Variants in EIF2B3 observed in about 807,000 individuals in gnomAD.
EIF2B3 encodes translation initiation factor eIF2B subunit gamma.
A neutral mutation model predicts 54.1 loss-of-function variants in EIF2B3; 20 were observed. The observed-to-expected ratio is 0.37, with a 90% CI of 0.26 to 0.54. The LOEUF is 0.54. Ranked by LOEUF, EIF2B3 falls within the 20% of genes least tolerant of loss-of-function variation. The pLI is 0.86. For synonymous variants in EIF2B3, 153 were observed against 188.1 expected (o/e 0.81, Z 1.52); for missense variants, 448 against 547.8 (o/e 0.82, Z 1.82).
chr1:44,932,494 G>A (rs1365137782), intron 4 of EIF2B3: 1 of 152,124 alleles, frequency 6.6e-6, no homozygotes, highest in East Asian at 1.9e-4. Context: ...ATTTCACTTA[G>A]GAGGAATAAG....
At chr1:44,898,251 C>G (rs1263885074) in intron 5 of EIF2B3, among the ~76,000 whole-genome samples, 1 of 152,152 alleles carries the variant, frequency 6.6e-6, no homozygotes, top group Admixed American at 6.5e-5. Context: ...TACACTTCCT[C>G]TAGGAATCCT....
At chr1:44,918,631 T>G in intron 5 of EIF2B3, among the ~76,000 whole-genome samples, 1 of 150,944 alleles carries the variant, frequency 6.6e-6, no homozygotes, top group Non-Finnish European at 1.5e-5. Flanking sequence ...CCTCAGGTGA[T>G]CCACCTGCCT....
intron 3 of EIF2B3, among the ~76,000 whole-genome samples, chr1:44,953,695 A>G (rs1411628732): frequency 6.6e-6 from 1 of 152,170 alleles, no homozygotes; most frequent in African/African-American, 2.4e-5. Flanking sequence ...AAGGAGGCTG[A>G]GGTGGGAAGA....
chr1:44,932,696 A>T (rs1643908080), intron 4 of EIF2B3, among the ~76,000 whole-genome samples: 2 of 152,174 alleles, frequency 1.3e-5, no homozygotes, highest in Non-Finnish European at 2.9e-5. Context: ...CAAGAATCAG[A>T]ATGATGTTGG....
intron 8 of EIF2B3, among the ~76,000 whole-genome samples, chr1:44,877,207 A>AAAAAAAAAAAAG (rs1655204597): frequency 6.8e-6 from 1 of 148,034 alleles, no homozygotes; most frequent in African/African-American, 2.5e-5. Context: ...AAAAAAAAAA[A>AAAAAAAAAAAAG]AAAAAAAAAA....
At chr1:44,942,404 TATATATATATATA>T (rs1162467467) in intron 3 of EIF2B3, among the ~76,000 whole-genome samples, 8 of 21,894 alleles carry the variant, frequency 3.7e-4, no homozygotes, top group South Asian at 1.4e-3. Flanking sequence ...TATATATATA[TATATATATATATA>T]TTTTTTTTTT....
chr1:44,851,264 C>T (rs1365309308), intron 11 of EIF2B3, among the ~76,000 whole-genome samples: 1 of 152,042 alleles, frequency 6.6e-6, no homozygotes, highest in Non-Finnish European at 1.5e-5. Flanking sequence ...GGGGTTTCAC[C>T]GTGTTGGCCA....
At chr1:44,982,150 A>ATT (rs1644521319) in intron 1 of EIF2B3, among the ~76,000 whole-genome samples, 1 of 152,114 alleles carries the variant, frequency 6.6e-6, no homozygotes, top group South Asian at 2.1e-4. Context: ...CTGAACCTAG[A>ATT]TTTACAGAAC....
intron 3 of EIF2B3, among the ~76,000 whole-genome samples, chr1:44,974,084 G>A (rs963920899): frequency 3.3e-5 from 5 of 151,828 alleles, no homozygotes; most frequent in African/African-American, 9.7e-5. Flanking sequence ...CCACTTGAGA[G>A]AAAATACAGA....
At chr1:44,913,831 ATT>A (rs879440088) in intron 5 of EIF2B3, among the ~76,000 whole-genome samples, 1 of 139,014 alleles carries the variant, frequency 7.2e-6, no homozygotes, top group Admixed American at 7.4e-5. Context: ...TAAATTGGGA[ATT>A]TTTTTTTTTT....
chr1:44,948,958 C>A (rs533721410), intron 3 of EIF2B3, among the ~76,000 whole-genome samples: 1 of 152,088 alleles, frequency 6.6e-6, no homozygotes, highest in Non-Finnish European at 1.5e-5. Flanking sequence ...ACCTCCGCCC[C>A]CCGAGGTTCA....
At chr1:44,981,256 T>C in intron 1 of EIF2B3, 79 bp from the exon 2 acceptor site, 1 of 1,468,332 alleles carries the variant, frequency 6.8e-7, no homozygotes, top group Non-Finnish European at 9.5e-7. Context: ...TAGCCTATTT[T>C]TATTTAGGTT....
chr1:44,918,069 A>G (rs1388729294), intron 5 of EIF2B3, among the ~76,000 whole-genome samples: 2 of 130,274 alleles, frequency 1.5e-5, no homozygotes, highest in African/African-American at 5.8e-5. Flanking sequence ...CACTGTGCCC[A>G]GCCTTTTTTT....
rs187423803 is a variant in EIF2B3 at position 44,858,540 on chromosome 1, G to T, written c.1203-733C>A. Among the ~76,000 whole-genome samples, 16 of 152,042 alleles carry T rather than the reference G, an allele frequency of 1.1e-4. No homozygotes were observed. In the East Asian group the frequency reaches 3.1e-3, roughly 29 times the overall value. On this transcript the variant is annotated intron_variant, in intron 10 of 11. Transcript: ENST00000360403. ...GCTGGAGTGTAGTGGCACGATCTTG[G>T]CTCACTACAGCCTCCACCTCCTGGG...
intron 3 of EIF2B3, chr1:44,959,161 T>G (rs1281714153): frequency 1.4e-6 from 1 of 721,696 alleles, no homozygotes; most frequent in Non-Finnish European, 2.5e-6. Flanking sequence ...GATTGCACAG[T>G]CTGGTGTTTT....
At chr1:44,920,073 C>T (rs1235383887) in intron 5 of EIF2B3, among the ~76,000 whole-genome samples, 1 of 148,338 alleles carries the variant, frequency 6.7e-6, no homozygotes, top group Admixed American at 6.8e-5. Context: ...CTCCCTCTGT[C>T]GTTCAGGCTG....
intron 3 of EIF2B3, among the ~76,000 whole-genome samples, chr1:44,977,135 T>G (rs560077641): frequency 6.6e-6 from 1 of 152,360 alleles, no homozygotes; most frequent in South Asian, 2.1e-4. Context: ...TTGTCTCCCA[T>G]TTCAAGTAAT....
At chr1:44,958,117 G>A (rs1352128400) in intron 3 of EIF2B3, among the ~76,000 whole-genome samples, 2 of 152,106 alleles carry the variant, frequency 1.3e-5, no homozygotes, top group African/African-American at 2.4e-5. Context: ...TTGGTGGGCC[G>A]GTTGAAGATG....
At chr1:44,918,072 CTTTTTTTT>C (rs3074632) in intron 5 of EIF2B3, among the ~76,000 whole-genome samples, 65 of 88,630 alleles carry the variant, frequency 7.3e-4, no homozygotes, top group African/African-American at 2.7e-3. Flanking sequence ...TGTGCCCAGC[CTTTTTTTT>C]TTTTTTTTTT....
Sources: allele counts gnomAD v4.1 joint callset (sites outside exome capture counted in the v4.1 genomes callset), GRCh38; gene constraint gnomAD v4.1.1; transcripts MANE v1.5; gene names NCBI Gene and HGNC (gene_info 2026-07-23, HGNC 2026-07-21).